SDK2: variants seen among roughly 807,000 people sequenced by gnomAD.
The protein encoded by SDK2 is sidekick cell adhesion molecule 2, also known as protein sidekick-2.
Under a neutral mutation model 253.9 loss-of-function variants are expected in SDK2, and 105 were observed. The observed-to-expected ratio is 0.41, with a 90% confidence interval of 0.35 to 0.49. SDK2 has a LOEUF of 0.49. Among genes scored for constraint, SDK2 ranks in the 20% least tolerant of loss-of-function variants. The pLI is 0.06. For missense variants in SDK2, 2,608 were observed against 3,003.0 expected, an observed-to-expected ratio of 0.87 and a Z score of 3.07; for synonymous variants, 1,249 against 1,234.9, an observed-to-expected ratio of 1.01 and a Z score of -0.24.
At chr17:73,345,630 G>A (rs892743352) in intron 44 of SDK2, among the ~76,000 whole-genome samples, 11 of 152,116 alleles carry the variant, frequency 7.2e-5, no homozygotes, top group African/African-American at 2.7e-4. Flanking sequence ...CTCCTCCCAC[G>A]TACCACACAG....
intron 3 of SDK2, among the ~76,000 whole-genome samples, chr17:73,466,927 C>T (rs546226275): frequency 6.6e-6 from 1 of 152,252 alleles, no homozygotes; most frequent in Admixed American, 6.5e-5. Flanking sequence ...CTAGTCAGTG[C>T]CTCGGTTGGG....
At chr17:73,514,736 G>C (rs1301557571) in intron 1 of SDK2, among the ~76,000 whole-genome samples, 2 of 152,174 alleles carry the variant, frequency 1.3e-5, no homozygotes, top group African/African-American at 4.8e-5. Flanking sequence ...TAGAATAAGG[G>C]CTCAGTCATC....
Position 73,435,693 on chromosome 17 carries a change from C to T in SDK2, c.1001-49G>A. 1 of 1,482,968 alleles carries T rather than the reference C, an allele frequency of 6.7e-7. No individual in the cohort carries two copies. The highest frequency in any genetic ancestry group is 9.0e-7 in the Non-Finnish European group (1 of 1,105,746). The allele number at this position is 1,482,968 out of a possible 1,614,324, so 91.9% of individuals were successfully genotyped here. On this transcript the variant is annotated intron_variant, in intron 8 of 44. Coordinates refer to ENST00000392650, the MANE Select transcript of SDK2 (RefSeq NM_001144952.2). The surrounding 1 kb of genome is among the most constrained non-coding windows in gnomAD (Gnocchi z 5.7). ...CGTCAACCTGCCTCCTGCCTCCTCT[C>T]CGCCTAGGAGGGGTGCTTGGGAGGA...
intron 1 of SDK2, among the ~76,000 whole-genome samples, chr17:73,636,542 GT>G (rs2046331713): frequency 6.6e-6 from 1 of 151,836 alleles, no homozygotes; most frequent in Non-Finnish European, 1.5e-5. Flanking sequence ...TTGGTCAGGC[GT>G]GGCAGCACGT....
chr17:73,582,139 C>G (rs2045542776), intron 1 of SDK2, among the ~76,000 whole-genome samples: 2 of 152,212 alleles, frequency 1.3e-5, no homozygotes, highest in South Asian at 4.1e-4. Flanking sequence ...ACACACTGCA[C>G]AGGCCCGAGC....
At chr17:73,414,193 G>T (rs966857478) in intron 18 of SDK2, among the ~76,000 whole-genome samples, 1 of 151,712 alleles carries the variant, frequency 6.6e-6, no homozygotes, top group East Asian at 1.9e-4. Context: ...GATTACAGGC[G>T]CCCCTGCCAC....
At chr17:73,573,108 A>T (rs9910863) in intron 1 of SDK2, among the ~76,000 whole-genome samples, 53,033 of 151,700 alleles carry the variant, frequency 0.35, 10,122 homozygotes, top group African/African-American at 0.52. Context: ...CTCATATAGG[A>T]TGGGGCCTCT....
chr17:73,533,983 T>TGCA (rs1209170029), intron 1 of SDK2, among the ~76,000 whole-genome samples: 1 of 152,138 alleles, frequency 6.6e-6, no homozygotes, highest in African/African-American at 2.4e-5. Context: ...AAAAGCACAG[T>TGCA]GATGCGGCAA....
intron 1 of SDK2, among the ~76,000 whole-genome samples, chr17:73,625,336 GT>G (rs2046188131): frequency 6.6e-6 from 1 of 152,244 alleles, no homozygotes; most frequent in Non-Finnish European, 1.5e-5. Context: ...CCTCACCCTT[GT>G]CGTATTCCTG....
At chr17:73,592,711 C>T (rs949533471) in intron 1 of SDK2, among the ~76,000 whole-genome samples, 36 of 152,274 alleles carry the variant, frequency 2.4e-4, no homozygotes, top group African/African-American at 7.7e-4. Context: ...GCTCAGATGA[C>T]GGGAAGACGG....
intron 1 of SDK2, among the ~76,000 whole-genome samples, chr17:73,633,489 G>A (rs563711980): frequency 6.6e-6 from 1 of 152,174 alleles, no homozygotes; most frequent in South Asian, 2.1e-4. Flanking sequence ...GGCCACACAG[G>A]CTAAAAGGCC....
At chr17:73,577,999 C>T (rs534127827) in intron 1 of SDK2, among the ~76,000 whole-genome samples, 12 of 151,416 alleles carry the variant, frequency 7.9e-5, no homozygotes, top group Non-Finnish European at 1.5e-4. Context: ...CAGGCAGCTT[C>T]TAAAAACTGC....
At chr17:73,483,292 C>G (rs1006800949) in intron 2 of SDK2, among the ~76,000 whole-genome samples, 1 of 149,134 alleles carries the variant, frequency 6.7e-6, no homozygotes, top group Admixed American at 6.7e-5. Flanking sequence ...AACTCTGCAC[C>G]GACACAAGAC....
rs1390922746 is a variant in SDK2, at chr17:73,414,046, CTCT to C, written c.2484+595_2484+597del. Among the ~76,000 whole-genome samples, 6 of 151,382 alleles carry C rather than the reference CTCT, an allele frequency of 4.0e-5. No individual in the cohort carries two copies. The East Asian group carries it at 5.8e-4, about 15-fold the overall frequency. ...GTTTCTTTTTCTTCTTTTTCTCTCT[CTCT>C]TCTTTTTTTTTTTTTGGGACAGAGT... On this transcript the variant is annotated intron_variant, in intron 18 of 44. Coordinates refer to ENST00000392650, the MANE Select transcript of SDK2 (RefSeq NM_001144952.2).
chr17:73,598,304 C>A (rs955771300), intron 1 of SDK2, among the ~76,000 whole-genome samples: 1 of 152,216 alleles, frequency 6.6e-6, no homozygotes. Flanking sequence ...AACCCCCTGT[C>A]CTCCTGGCTC....
rs768860208 is a variant in SDK2, at chr17:73,368,621, AG to A, written c.4981-29del. 24 of 1,508,234 alleles carry A rather than the reference AG, an allele frequency of 1.6e-5. No homozygotes were observed. In the South Asian group the frequency reaches 2.6e-4, roughly 16 times the overall value. 93.4% of individuals were successfully genotyped at this position (1,508,234 alleles called of 1,614,324 possible). ...GTGGGAACAGAAGGATGTGGGAGTG[AG>A]GGGGACAGGGGCAATGAGAGTCCCT... On this transcript the variant is annotated intron_variant, in intron 36 of 44. Transcript: ENST00000392650.
chr17:73,545,448 G>A (rs958990530), intron 1 of SDK2, among the ~76,000 whole-genome samples: 1 of 152,192 alleles, frequency 6.6e-6, no homozygotes, highest in African/African-American at 2.4e-5. Context: ...GACACCGGTG[G>A]TAGGGGTTAG....
At chr17:73,384,078 C>A (rs775800378) in intron 32 of SDK2, 67 bp from the exon 33 acceptor site, 259 of 1,530,728 alleles carry the variant, frequency 1.7e-4, no homozygotes, top group Non-Finnish European at 2.3e-4. Flanking sequence ...CACGCTCTCT[C>A]ATCATGCCTC....
intron 17 of SDK2, among the ~76,000 whole-genome samples, chr17:73,415,528 G>C (rs982857386): frequency 6.6e-6 from 1 of 151,926 alleles, no homozygotes; most frequent in East Asian, 1.9e-4. Context: ...TTCATTTTTT[G>C]TAGAGACAGG....
Sources: gnomAD v4.1 joint callset for allele counts (sites outside exome capture counted in the v4.1 genomes callset) on GRCh38, gnomAD v4.1.1 for gene constraint, Gnocchi (gnomAD v3.1) non-coding constraint, MANE v1.5 for transcripts, NCBI Gene and HGNC (gene_info 2026-07-23, HGNC 2026-07-21) for gene names.